Variants in CRISPLD2 observed in about 807,000 individuals in gnomAD.
The protein encoded by CRISPLD2 is cysteine rich secretory protein LCCL domain containing 2, also known as cysteine-rich secretory protein LCCL domain-containing 2.
A neutral mutation model predicts 71.1 loss-of-function variants in CRISPLD2; 47 were observed. The ratio of observed to expected loss-of-function variants is 0.66; its 90% CI spans 0.52 to 0.84. The LOEUF is 0.84. CRISPLD2 is among the 40% of genes least tolerant of loss of function. CRISPLD2 has a pLI of 0.00. For synonymous variants in CRISPLD2, 317 were observed against 250.1 expected (o/e 1.27, Z -2.52); for missense variants, 830 against 651.1 (o/e 1.27, Z -2.99).
chr16:84,874,042 G>T (rs376979469), intron 11 of CRISPLD2, 79 bp downstream of exon 11: 3 of 1,280,654 alleles, frequency 2.3e-6, no homozygotes, highest in East Asian at 2.3e-5. Flanking sequence ...TCCTTTAGTC[G>T]CTGATTTAAT....
chr16:84,834,683 C>A (rs1916572338), intron 1 of CRISPLD2, among the ~76,000 whole-genome samples: 2 of 152,226 alleles, frequency 1.3e-5, no homozygotes, highest in South Asian at 4.1e-4. Flanking sequence ...CAAGCTTCAA[C>A]AATAGGAATT....
In CRISPLD2 at chr16:84,908,568, G is replaced by A. The variant is rs964115719; in HGVS notation, c.*1926G>A. On this transcript the variant is annotated 3_prime_UTR_variant, in exon 15 of 15. Coordinates refer to ENST00000262424, the MANE Select transcript of CRISPLD2 (RefSeq NM_031476.4). ...ACTCAAGGGAGACTTGAAACTTCCA[G>A]TGTGAGTTGACCCCATCATTTAAAA... The A allele has an allele frequency of 2.0e-5, 3 of 152,174 alleles. No homozygotes were observed. Among genetic ancestry groups the A allele is most frequent in the African/African-American group, 7.2e-5 (3 of 41,448 alleles). 9.4% of individuals were successfully genotyped at this position (152,174 alleles called of 1,614,324 possible).
intron 3 of CRISPLD2, among the ~76,000 whole-genome samples, chr16:84,848,192 A>G (rs1916968254): frequency 6.6e-6 from 1 of 152,140 alleles, no homozygotes; most frequent in South Asian, 2.1e-4. Context: ...CTTGAGCCGC[A>G]GGGAAGCGGA....
intron 1 of CRISPLD2, among the ~76,000 whole-genome samples, chr16:84,823,509 T>G (rs543796248): frequency 6.6e-6 from 1 of 152,300 alleles, no homozygotes; most frequent in African/African-American, 2.4e-5. Context: ...GCCTTCTCCA[T>G]GGGTGCAGGG....
intron 6 of CRISPLD2, among the ~76,000 whole-genome samples, chr16:84,857,810 T>C (rs148860091): frequency 3.9e-5 from 6 of 152,330 alleles, no homozygotes; most frequent in Admixed American, 1.3e-4. Context: ...GTGGAGACCA[T>C]GGGCAGTTGA....
chr16:84,896,237 T>TG lies in CRISPLD2; in HGVS notation c.1439+6877dup, dbSNP rs781084833. ...CATATATATATATGTTTAGTAGAGATGGGATTTCACCATGTTGGCCAGGCT... is the reference window on the plus strand; with the variant it reads ...CATATATATATATGTTTAGTAGAGATGGGGATTTCACCATGTTGGCCAGGCT... On this transcript the variant is annotated intron_variant, in intron 14 of 14. Coordinates refer to ENST00000262424, the MANE Select transcript of CRISPLD2 (RefSeq NM_031476.4). 2.0e-5 allele frequency among the ~76,000 whole-genome samples: 3 copies of TG among 152,052 alleles called. No homozygotes were observed. In the East Asian group the frequency reaches 5.8e-4, roughly 29 times the overall value.
intron 6 of CRISPLD2, among the ~76,000 whole-genome samples, chr16:84,865,785 G>A (rs891668682): frequency 3.9e-5 from 6 of 152,170 alleles, no homozygotes; most frequent in African/African-American, 1.4e-4. Context: ...CTGGTGAGCA[G>A]TTTGTAGTTG....
chr16:84,850,753 G>A, intron 5 of CRISPLD2, 70 bp downstream of exon 5: 1 of 1,230,946 alleles, frequency 8.1e-7, no homozygotes, highest in East Asian at 2.3e-5. Flanking sequence ...AGCACCCAGT[G>A]AAAACTGGCT....
At chr16:84,869,061 G>C in intron 8 of CRISPLD2, 150 bp downstream of exon 8, 4 of 660,944 alleles carry the variant, frequency 6.1e-6, no homozygotes, top group Non-Finnish European at 1.0e-5. Flanking sequence ...GTTAGGGCTG[G>C]GCAGTGTCTG....
chr16:84,838,675 C>G lies in CRISPLD2; in HGVS notation c.180C>G (p.Leu60=), dbSNP rs1031095040. The part of the protein sequence containing the change: ...AIPREDKEEI[L]MLHNKLRGQV... Reference sequence around the variant, plus strand: ...CCAGGGAGGACAAGGAGGAGATCCTCATGCTGCACAACAAGCTTCGGGGCC... The same window carrying G: ...CCAGGGAGGACAAGGAGGAGATCCTGATGCTGCACAACAAGCTTCGGGGCC... The change falls in exon 2 of 15, where the codon CTC becomes CTG. Residue 60 remains leucine (L), a synonymous_variant. Transcript: ENST00000262424. 1 of 1,614,232 alleles carries G rather than the reference C, an allele frequency of 6.2e-7. No homozygotes were observed. Among genetic ancestry groups the G allele is most frequent in the Non-Finnish European group, 8.5e-7 (1 of 1,180,042 alleles).
At chr16:84,873,500 C>CAAAAAAA (rs1567696988) in intron 10 of CRISPLD2, 1 of 80,342 alleles carries the variant, frequency 1.2e-5, no homozygotes, top group East Asian at 4.4e-4. Context: ...AAGAAAACAA[C>CAAAAAAA]AACAACAAAA....
intron 6 of CRISPLD2, among the ~76,000 whole-genome samples, chr16:84,856,928 G>C (rs1917256095): frequency 6.6e-6 from 1 of 152,222 alleles, no homozygotes; most frequent in Non-Finnish European, 1.5e-5. Flanking sequence ...GTCCACGGAT[G>C]GTAGTCTTGG....
intron 14 of CRISPLD2, among the ~76,000 whole-genome samples, chr16:84,897,904 A>T (rs1358557661): frequency 1.3e-5 from 2 of 152,218 alleles, no homozygotes; most frequent in Non-Finnish European, 2.9e-5. Flanking sequence ...GGCGTGAGCT[A>T]CCACACCCGG....
chr16:84,839,328 G>C (rs981221419), intron 2 of CRISPLD2: 8 of 255,848 alleles, frequency 3.1e-5, no homozygotes, highest in Non-Finnish European at 6.2e-5. Context: ...AGAGTGGGGA[G>C]GGGCCCAGGG....
At chr16:84,868,981 C>T in intron 8 of CRISPLD2, 70 bp downstream of exon 8, 5 of 1,355,836 alleles carry the variant, frequency 3.7e-6, no homozygotes, top group Non-Finnish European at 5.1e-6. Context: ...ACCACTGTGG[C>T]CTCTGGGCCT....
At chr16:84,853,309 G>A (rs112070367) in intron 5 of CRISPLD2, among the ~76,000 whole-genome samples, 2,715 of 152,288 alleles carry the variant, frequency 0.018, 86 homozygotes, top group African/African-American at 0.062. Flanking sequence ...GGGACCTCTC[G>A]GTCCCTTGGT....
At chr16:84,886,254 T>C (rs1221229041) in intron 13 of CRISPLD2, among the ~76,000 whole-genome samples, 1 of 152,196 alleles carries the variant, frequency 6.6e-6, no homozygotes, top group African/African-American at 2.4e-5. Flanking sequence ...CTAGATTGTA[T>C]TGCTTGTCCC....
intron 3 of CRISPLD2, among the ~76,000 whole-genome samples, chr16:84,848,330 G>T (rs1472180496): frequency 6.6e-6 from 1 of 152,114 alleles, no homozygotes; most frequent in African/African-American, 2.4e-5. Flanking sequence ...CTGCCTCGAC[G>T]ACCACATGGC....
rs1166063631 is a variant in CRISPLD2 at position 84,845,808 on chromosome 16, A to G, written c.263A>G (p.Lys88Arg). ...EYMTWDDELEKSAAAWASQCI... is the reference protein window; with the variant it reads ...EYMTWDDELERSAAAWASQCI... Reference sequence around the variant, plus strand: ...CAGACCTGGGATGACGAACTGGAGAAGTCTGCTGCAGCGTGGGCCAGTCAG... The same window carrying G: ...CAGACCTGGGATGACGAACTGGAGAGGTCTGCTGCAGCGTGGGCCAGTCAG... The change falls in exon 3 of 15, where the codon AAG becomes AGG. Residue 88 changes from lysine (K) to arginine (R), a missense_variant. Physicochemically the swap from Lys to Arg is conservative, Grantham distance 26. Coordinates refer to ENST00000262424, the MANE Select transcript of CRISPLD2 (RefSeq NM_031476.4). 8.1e-6 allele frequency: 13 copies of G among 1,613,590 alleles called. No individual in the cohort carries two copies. Among genetic ancestry groups the G allele is most frequent in the Non-Finnish European group, 1.1e-5 (13 of 1,179,620 alleles).
Sources: gnomAD v4.1 joint callset for allele counts (sites outside exome capture counted in the v4.1 genomes callset) on GRCh38, gnomAD v4.1.1 for gene constraint, MANE v1.5 for transcripts, NCBI Gene and HGNC (gene_info 2026-07-23, HGNC 2026-07-21) for gene names.